BAIAP2L1: variants seen among roughly 807,000 people sequenced by gnomAD.
BAIAP2L1 encodes BAR/IMD domain containing adaptor protein 2 like 1.
BAIAP2L1 carries 35 observed loss-of-function variants against 66.3 expected under a neutral mutation model. That is an observed-to-expected ratio of 0.53 (90% CI 0.40 to 0.70). The LOEUF is 0.70. BAIAP2L1 is among the 30% of genes least tolerant of loss of function. The pLI is 0.00. For synonymous variants in BAIAP2L1, 269 were observed against 248.7 expected, an observed-to-expected ratio of 1.08 and a Z score of -0.77; for missense variants, 622 against 656.9, an observed-to-expected ratio of 0.95 and a Z score of 0.58.
chr7:98,359,404 G>C (rs1304074427), intron 2 of BAIAP2L1, among the ~76,000 whole-genome samples: 1 of 151,364 alleles, frequency 6.6e-6, no homozygotes, highest in African/African-American at 2.4e-5. Flanking sequence ...TCCTGAGTAG[G>C]TGGGATTACA....
intron 2 of BAIAP2L1, among the ~76,000 whole-genome samples, chr7:98,359,750 T>C (rs893273848): frequency 6.1e-5 from 9 of 146,614 alleles, no homozygotes; most frequent in African/African-American, 2.2e-4. Context: ...CCTGGGTTTT[T>C]TTTTTTTTTT....
Position 98,304,236 on chromosome 7 carries a change from G to A in BAIAP2L1, c.1382C>T (p.Thr461Ile). 1 of 1,612,640 alleles carries A rather than the reference G, an allele frequency of 6.2e-7. No individual in the cohort carries two copies. The highest frequency in any genetic ancestry group is 8.5e-7 in the Non-Finnish European group (1 of 1,179,358). ...GGGCTTGGACGCTGGGGCCTTAAAG[G>A]TGGATGTCGTCCTGGCCGAATCTGC... ...RRADSARTTS[T>I]FKAPASKPET... Residue 461 changes from threonine to isoleucine, a missense_variant, in exon 12 of 14, where the codon ACC becomes ATC. Transcript: ENST00000005260.
chr7:98,344,764 G>A (rs767039775), intron 3 of BAIAP2L1, among the ~76,000 whole-genome samples: 1 of 152,096 alleles, frequency 6.6e-6, no homozygotes, highest in Non-Finnish European at 1.5e-5. Flanking sequence ...GTGAAACCCC[G>A]TCTCTACTAA....
rs188564389 is a variant in BAIAP2L1, at chr7:98,391,485, G to A, written c.51+9317C>T. Among the ~76,000 whole-genome samples the A allele has an allele frequency of 2.3e-3, 345 of 151,974 alleles. 1 individual carries two copies. Among genetic ancestry groups the A allele is most frequent in the South Asian group, 3.7e-3 (18 of 4,816 alleles). ...ACACTTTTGGGAGGATGAGGCAGGC[G>A]GATCACAAGGTCAGGAGACAGAGAC... On this transcript the variant is annotated intron_variant, in intron 1 of 13. Transcript: ENST00000005260.
At chr7:98,400,152 C>T (rs1803321433) in intron 1 of BAIAP2L1, 1 of 149,962 alleles carries the variant, frequency 6.7e-6, no homozygotes, top group African/African-American at 2.5e-5. Flanking sequence ...CCCACCGACG[C>T]ACAACAGACC....
intron 3 of BAIAP2L1, among the ~76,000 whole-genome samples, chr7:98,328,825 T>G (rs1183275182): frequency 2.0e-5 from 3 of 152,236 alleles, no homozygotes; most frequent in Non-Finnish European, 4.4e-5. Context: ...CACCATTTTT[T>G]GGTGCACTTT....
At chr7:98,393,894 G>A (rs1323710810) in intron 1 of BAIAP2L1, among the ~76,000 whole-genome samples, 9 of 147,844 alleles carry the variant, frequency 6.1e-5, no homozygotes, top group East Asian at 6.0e-4. Flanking sequence ...ACCTGAAGTC[G>A]GGAGTTCGAG....
intron 1 of BAIAP2L1, among the ~76,000 whole-genome samples, chr7:98,382,327 T>C (rs1262162460): frequency 6.6e-6 from 1 of 151,868 alleles, no homozygotes; most frequent in Admixed American, 6.6e-5. Context: ...AAGGAAAAAA[T>C]AATGGTCTTT....
At chr7:98,349,681 TG>T (rs929825284) in intron 3 of BAIAP2L1, among the ~76,000 whole-genome samples, 1 of 150,396 alleles carries the variant, frequency 6.6e-6, no homozygotes, top group African/African-American at 2.4e-5. Flanking sequence ...AAGACTAGCC[TG>T]GCCAGCATGG....
chr7:98,371,659 T>C (rs1802512802), intron 1 of BAIAP2L1, among the ~76,000 whole-genome samples: 1 of 152,226 alleles, frequency 6.6e-6, no homozygotes, highest in Non-Finnish European at 1.5e-5. Context: ...ATAACTCATT[T>C]TCAAAGAATT....
intron 3 of BAIAP2L1, among the ~76,000 whole-genome samples, chr7:98,332,614 G>C (rs1488097966): frequency 6.6e-6 from 1 of 150,600 alleles, no homozygotes; most frequent in Admixed American, 6.7e-5. Flanking sequence ...TCGAGACCAG[G>C]CTGGCCAACA....
chr7:98,371,349 A>G (rs894539415), intron 1 of BAIAP2L1, among the ~76,000 whole-genome samples: 2 of 152,194 alleles, frequency 1.3e-5, no homozygotes, highest in Admixed American at 6.6e-5. Context: ...AATACATTCT[A>G]GGCTAATGGT....
intron 1 of BAIAP2L1, among the ~76,000 whole-genome samples, chr7:98,383,265 T>C (rs890449908): frequency 1.3e-5 from 2 of 150,498 alleles, no homozygotes; most frequent in Non-Finnish European, 3.0e-5. Flanking sequence ...ATGACTACCA[T>C]GTAATATAAC....
chr7:98,330,342 C>T (rs896440639), intron 3 of BAIAP2L1, among the ~76,000 whole-genome samples: 1 of 152,090 alleles, frequency 6.6e-6, no homozygotes, highest in Non-Finnish European at 1.5e-5. Context: ...AAAGAACACC[C>T]GAGACTGGGT....
intron 13 of BAIAP2L1, 63 bp from the exon 14 acceptor site, chr7:98,293,659 G>A: frequency 6.6e-7 from 1 of 1,508,964 alleles, no homozygotes; most frequent in East Asian, 2.2e-5. Flanking sequence ...GATTTTAACA[G>A]TGCTAATAAC....
chr7:98,341,642 C>A (rs1017599472), intron 3 of BAIAP2L1, among the ~76,000 whole-genome samples: 2 of 152,176 alleles, frequency 1.3e-5, no homozygotes, highest in Non-Finnish European at 1.5e-5. Context: ...TGACCAGATA[C>A]GCGACCTCAG....
At chr7:98,359,754 T>TTG (rs1554337639) in intron 2 of BAIAP2L1, among the ~76,000 whole-genome samples, 5 of 149,090 alleles carry the variant, frequency 3.4e-5, no homozygotes, top group Non-Finnish European at 6.0e-5. Flanking sequence ...GGTTTTTTTT[T>TTG]TTTTTTTTTT....
chr7:98,315,625 A>ATAAG lies in BAIAP2L1; in HGVS notation c.487-14_487-13insCTTA. 1 of 1,130,960 alleles carries ATAAG rather than the reference A, an allele frequency of 8.8e-7. No homozygotes were observed. Among genetic ancestry groups the ATAAG allele is most frequent in the Non-Finnish European group, 1.2e-6 (1 of 861,714 alleles). The allele number at this position is 1,130,960 out of a possible 1,614,324, so 70.1% of individuals were successfully genotyped here. A position where few individuals can be genotyped will look rare whatever the true frequency, so the allele number is the denominator to read the frequency against. On this transcript the variant is annotated splice_polypyrimidine_tract_variant and intron_variant, in intron 6 of 13. Coordinates refer to ENST00000005260, the MANE Select transcript of BAIAP2L1 (RefSeq NM_018842.5). ...CGGTCTCCACATACTAAAAAAAAAA[A>ATAAG]AATAATAATAATAATAATTATATAA...
chr7:98,391,003 T>A (rs1423810231), intron 1 of BAIAP2L1, among the ~76,000 whole-genome samples: 1 of 61,306 alleles, frequency 1.6e-5, no homozygotes, highest in Non-Finnish European at 5.7e-5. Flanking sequence ...CCAGCTAATT[T>A]TTTTTTTTTT....
Sources: allele counts gnomAD v4.1 joint callset (sites outside exome capture counted in the v4.1 genomes callset), GRCh38; gene constraint gnomAD v4.1.1; transcripts MANE v1.5; gene names NCBI Gene and HGNC (gene_info 2026-07-23, HGNC 2026-07-21).